Variants in PTPRA observed in about 807,000 individuals in gnomAD.
PTPRA encodes the protein receptor-type tyrosine-protein phosphatase alpha.
PTPRA carries 25 observed loss-of-function variants against 104.8 expected under a neutral mutation model. The ratio of observed to expected loss-of-function variants is 0.24; its 90% confidence interval spans 0.17 to 0.33. PTPRA has a LOEUF of 0.33. Among genes scored for constraint, PTPRA ranks in the 10% least tolerant of loss-of-function variants. The pLI is 1.00. For synonymous variants in PTPRA, 323 were observed against 368.9 expected (o/e 0.88, Z 1.43); for missense variants, 765 against 1,015.3 (o/e 0.75, Z 3.35).
chr20:2,988,580 T>G, intron 9 of PTPRA, 106 bp downstream of exon 9: 1 of 1,446,210 alleles, frequency 6.9e-7, no homozygotes. Flanking sequence ...CTTTTAATGT[T>G]TAAGAGGTGA....
At chr20:2,872,060 A>T (rs916379543), upstream of PTPRA, among the ~76,000 whole-genome samples, 1 of 152,080 alleles carries the variant, frequency 6.6e-6, no homozygotes, top group Non-Finnish European at 1.5e-5. This position sits in a 1 kb window ranked among gnomAD's most constrained non-coding sequence, Gnocchi z 7.9. Context: ...CAGAGTCCCT[A>T]ACTGGCGCCC....
chr20:2,975,106 A>ATGGAGGAAAGCATTCCTAATCC, intron 5 of PTPRA, 109 bp from the exon 6 acceptor site: 1 of 983,656 alleles, frequency 1.0e-6, no homozygotes, highest in Non-Finnish European at 1.5e-6. Context: ...AGGATGCCTC[A>ATGGAGGAAAGCATTCCTAATCC]TGGAGGAAAG....
chr20:3,023,010 A>G (rs186645145), intron 16 of PTPRA, among the ~76,000 whole-genome samples, 186 bp downstream of exon 16: 2 of 152,336 alleles, frequency 1.3e-5, no homozygotes, highest in African/African-American at 4.8e-5. Flanking sequence ...GAGAAACTCC[A>G]TTTTGTTCTG....
intron 2 of PTPRA, among the ~76,000 whole-genome samples, chr20:2,928,996 A>AT (rs1203038774): frequency 6.6e-6 from 1 of 151,512 alleles, no homozygotes; most frequent in African/African-American, 2.4e-5. Context: ...CACCCAGCTA[A>AT]TTTTTTTTAT....
At chr20:2,976,219 G>A (rs975563053) in intron 6 of PTPRA, among the ~76,000 whole-genome samples, 2 of 152,188 alleles carry the variant, frequency 1.3e-5, no homozygotes, top group African/African-American at 4.8e-5. Context: ...GATTAATACA[G>A]TGTCTTTGCT....
At chr20:2,983,874 A>C (rs932842771) in intron 6 of PTPRA, among the ~76,000 whole-genome samples, 1 of 152,136 alleles carries the variant, frequency 6.6e-6, no homozygotes, top group Admixed American at 6.6e-5. Flanking sequence ...AATTGCTAGC[A>C]TGGCATTTAT....
chr20:3,000,725 C>T (rs1393038891), intron 9 of PTPRA, among the ~76,000 whole-genome samples: 1 of 152,116 alleles, frequency 6.6e-6, no homozygotes, highest in Non-Finnish European at 1.5e-5. Flanking sequence ...CAGGATGAAT[C>T]TTAGGAACGT....
intron 3 of PTPRA, among the ~76,000 whole-genome samples, chr20:2,957,928 C>A (rs2061596721): frequency 6.6e-6 from 1 of 151,720 alleles, no homozygotes; most frequent in Non-Finnish European, 1.5e-5. Flanking sequence ...TGTAGTGATA[C>A]AACCCTTATG....
chr20:3,037,084 C>T lies in PTPRA; in HGVS notation c.2199-70C>T. 6.4e-7 allele frequency: 1 copy of T among 1,571,302 alleles called. No individual in the cohort carries two copies. The highest frequency in any genetic ancestry group is 8.6e-7 in the Non-Finnish European group (1 of 1,156,172). On this transcript the variant is annotated intron_variant, in intron 22 of 23. Transcript: ENST00000399903. This position sits in a 1 kb window ranked among gnomAD's most constrained non-coding sequence, Gnocchi z 4.3. Reference sequence around the variant, plus strand: ...GCCTGCCCCCACCTCTTCTGCCACTCACCACTGTCACTCACCCCCTTGCAC... The same window carrying T: ...GCCTGCCCCCACCTCTTCTGCCACTTACCACTGTCACTCACCCCCTTGCAC...
intron 3 of PTPRA, among the ~76,000 whole-genome samples, 167 bp downstream of exon 3, chr20:2,948,191 G>T (rs1213757833): frequency 6.6e-6 from 1 of 152,142 alleles, no homozygotes; most frequent in African/African-American, 2.4e-5. Context: ...CAAGGGAATG[G>T]TATTTAAAAT....
intron 14 of PTPRA, among the ~76,000 whole-genome samples, 180 bp downstream of exon 14, chr20:3,021,608 T>C (rs909518417): frequency 6.6e-6 from 1 of 152,238 alleles, no homozygotes; most frequent in Non-Finnish European, 1.5e-5. Flanking sequence ...AGTATTTTCA[T>C]GACTGGTGAA....
chr20:2,899,340 TACTC>T lies in PTPRA; in HGVS notation c.-128-23864_-128-23861del, dbSNP rs1244988254. Among the ~76,000 whole-genome samples the T allele has an allele frequency of 2.0e-5, 3 of 152,226 alleles. No individual in the cohort carries two copies. The East Asian group carries it at 5.8e-4, about 29-fold the overall frequency. The stretch of plus-strand genomic sequence containing the variant: ...GAGGCCAATATTATTGAAAATGTGT[TACTC>T]ACAGTTCTTCTGAAACAGCAGGCGC... On this transcript the variant is annotated intron_variant, in intron 1 of 23. Transcript: ENST00000399903.
intron 20 of PTPRA, 148 bp downstream of exon 20, chr20:3,027,989 A>T (rs142903025): frequency 0.016 from 18,142 of 1,128,676 alleles, 207 homozygotes; most frequent in Non-Finnish European, 0.019. Context: ...GTATAAGTAC[A>T]TACTTAAAGG....
the PTPRA span, chr20:2,866,833 C>T: frequency 4.3e-6 from 2 of 460,746 alleles, no homozygotes; most frequent in Non-Finnish European, 7.5e-6. Flanking sequence ...GTGTTGGGAC[C>T]GGAGGTGGGG....
intron 2 of PTPRA, among the ~76,000 whole-genome samples, chr20:2,940,733 T>G (rs890451222): frequency 6.6e-5 from 10 of 152,080 alleles, no homozygotes; most frequent in African/African-American, 2.4e-4. Context: ...AATTTCAGCG[T>G]TTTATTAGAA....
At chr20:3,012,715 C>G (rs2064231464) in intron 11 of PTPRA, among the ~76,000 whole-genome samples, 1 of 152,242 alleles carries the variant, frequency 6.6e-6, no homozygotes, top group Non-Finnish European at 1.5e-5. Flanking sequence ...AGGGCAGCAT[C>G]CTTTGCTGAA....
intron 1 of PTPRA, among the ~76,000 whole-genome samples, chr20:2,920,708 A>T (rs1402273309): frequency 6.6e-6 from 1 of 151,612 alleles, no homozygotes; most frequent in Non-Finnish European, 1.5e-5. Context: ...AGGCCAGGTG[A>T]GGGTGTATGT....
At chr20:2,893,166 T>C (rs1442079559) in intron 1 of PTPRA, among the ~76,000 whole-genome samples, 1 of 152,232 alleles carries the variant, frequency 6.6e-6, no homozygotes, top group Non-Finnish European at 1.5e-5. Flanking sequence ...TTATGGGACT[T>C]GTTTGTTTTG....
intron 11 of PTPRA, among the ~76,000 whole-genome samples, chr20:3,008,556 C>G (rs542676247): frequency 6.6e-6 from 1 of 151,716 alleles, no homozygotes; most frequent in African/African-American, 2.4e-5. Context: ...GATGGTTGCA[C>G]GACAGCGTGA....
Sources: allele counts gnomAD v4.1 joint callset (sites outside exome capture counted in the v4.1 genomes callset), GRCh38; gene constraint gnomAD v4.1.1; non-coding constraint Gnocchi (gnomAD v3.1); transcripts MANE v1.5; gene names NCBI Gene and HGNC (gene_info 2026-07-23, HGNC 2026-07-21).